The following ERBB3 variants were observed in gnomAD, a reference collection of about 807,000 sequenced individuals.
The protein encoded by ERBB3 is erb-b2 receptor tyrosine kinase 3, also known as receptor tyrosine-protein kinase erbB-3.
A neutral mutation model predicts 156.7 loss-of-function variants in ERBB3; 96 were observed. That is an observed-to-expected ratio of 0.61 (90% CI 0.52 to 0.73). ERBB3 has a LOEUF of 0.73. Ranked by LOEUF, ERBB3 falls within the 30% of genes least tolerant of loss-of-function variation. The pLI, the probability that ERBB3 is intolerant of heterozygous loss-of-function variation, is 0.00. For missense variants in ERBB3, 1,406 were observed against 1,709.4 expected, an observed-to-expected ratio of 0.82 and a Z score of 3.13; for synonymous variants, 567 against 632.0, an observed-to-expected ratio of 0.90 and a Z score of 1.54.
chr12:56,102,140 T>C lies in ERBB3; in HGVS notation c.*85T>C. 3 of 1,198,404 alleles carry C rather than the reference T, an allele frequency of 2.5e-6. No individual in the cohort carries two copies. Among genetic ancestry groups the C allele is most frequent in the South Asian group, 1.2e-5 (1 of 82,458 alleles). The allele number at this position is 1,198,404 out of a possible 1,614,324, so 74.2% of individuals were successfully genotyped here. Reference sequence around the variant, plus strand: ...CCGTCTTCTCCCTATTCCCTCTCTCTCCCAGGTCCCAGCCCCTTTTCCCCA... The same window carrying C: ...CCGTCTTCTCCCTATTCCCTCTCTCCCCCAGGTCCCAGCCCCTTTTCCCCA... On this transcript the variant is annotated 3_prime_UTR_variant, in exon 28 of 28. Transcript: ENST00000267101.
chr12:56,082,852 CA>C (rs1207863080), intron 1 of ERBB3, among the ~76,000 whole-genome samples: 2 of 152,146 alleles, frequency 1.3e-5, no homozygotes, highest in Non-Finnish European at 2.9e-5. Context: ...CCTCTTCTAA[CA>C]ATGAAATTGT....
At position 56,088,004 on chromosome 12, in the gene ERBB3, G is replaced by T; in HGVS notation, c.733-17G>T. On this transcript the variant is annotated splice_polypyrimidine_tract_variant and intron_variant, in intron 6 of 27. Transcript: ENST00000267101. ...TACACACGTAACATAAATCTGATGA[G>T]CCTCCTTTTTTCCCAGGCCTGCCGG... 7.4e-6 allele frequency: 12 copies of T among 1,614,154 alleles called. No individual in the cohort carries two copies. Among genetic ancestry groups the T allele is most frequent in the Non-Finnish European group, 1.0e-5 (12 of 1,180,026 alleles).
chr12:56,096,609 G>A lies in ERBB3; in HGVS notation c.2162G>A (p.Gly721Glu). 6.2e-7 allele frequency: 1 copy of A among 1,614,210 alleles called. No individual in the cohort carries two copies. The highest frequency in any genetic ancestry group is 8.5e-7 in the Non-Finnish European group (1 of 1,180,024). ...KLKVLGSGVF[G>E]TVHKGVWIPE... ...AAAGTGCTTGGCTCGGGTGTCTTTG[G>A]AACTGTGCACAAAGTGAGTGACCCA... Residue 721 changes from glycine to glutamate, a missense_variant, in exon 18 of 28, where the codon GGA becomes GAA. By Grantham distance (98) the Gly-to-Glu change is moderately conservative. Transcript: ENST00000267101.
At chr12:56,092,333 G>A (rs1868739815) in intron 9 of ERBB3, among the ~76,000 whole-genome samples, 1 of 133,788 alleles carries the variant, frequency 7.5e-6, no homozygotes, top group African/African-American at 2.9e-5. Context: ...AGGTTGCAGT[G>A]AGCTGAGATT....
chr12:56,085,546 AC>A, intron 3 of ERBB3: 1 of 757,484 alleles, frequency 1.3e-6, no homozygotes, highest in Non-Finnish European at 1.8e-6. Context: ...GGAGTTTGAG[AC>A]CAGCCTGGCC....
Position 56,093,018 on chromosome 12 carries a change from A to C in ERBB3, c.1216A>C (p.Met406Leu), listed in dbSNP as rs765810588. ...YLNIQSWPPH[M>L]HNFSVFSNLT... ...GAACATCCAGTCCTGGCCGCCCCAC[A>C]TGCACAACTTCAGTGTTTTTTCCAA... Residue 406 changes from methionine (M) to leucine (L), a missense_variant, in exon 11 of 28, where the codon ATG (methionine) becomes CTG (leucine). Coordinates refer to ENST00000267101, the MANE Select transcript of ERBB3 (RefSeq NM_001982.4). The C allele has an allele frequency of 1.2e-6, 2 of 1,614,206 alleles. No homozygotes were observed. Among genetic ancestry groups the C allele is most frequent in the South Asian group, 2.2e-5 (2 of 91,080 alleles).
At chr12:56,093,253 G>T in intron 11 of ERBB3, 92 bp from the exon 12 acceptor site, 1 of 1,275,580 alleles carries the variant, frequency 7.8e-7, no homozygotes, top group Non-Finnish European at 1.1e-6. Flanking sequence ...GATCTGACTA[G>T]CACTGAGCAA....
chr12:56,086,593 G>A lies in ERBB3; in HGVS notation c.484G>A (p.Asp162Asn), dbSNP rs759585997. The change falls in exon 4 of 28, where the codon GAC (aspartate) becomes AAC (asparagine). Residue 162 changes from aspartate to asparagine, a missense_variant. Transcript: ENST00000267101. ...TAAGCTTTGTCACATGGACACAATT[G>A]ACTGGAGGGACATCGTGAGGGACCG... is the stretch of plus-strand genomic sequence containing the variant. ...NDKLCHMDTI[D>N]WRDIVRDRDA... The A allele has an allele frequency of 6.2e-6, 10 of 1,614,062 alleles. No homozygotes were observed. The Middle Eastern group carries it at 8.2e-4, about 133-fold the overall frequency.
chr12:56,093,719 T>A (rs745696175), intron 12 of ERBB3, 45 bp from the exon 13 acceptor site: 1 of 1,611,346 alleles, frequency 6.2e-7, no homozygotes, highest in South Asian at 1.1e-5. Context: ...GAGGGCTTGC[T>A]GGGAGTCCTC....
intron 14 of ERBB3, 98 bp downstream of exon 14, chr12:56,094,287 A>G: frequency 6.8e-7 from 1 of 1,460,154 alleles, no homozygotes. Flanking sequence ...CAGAGAGGCC[A>G]GATAATGCTA....
At position 56,100,022 on chromosome 12, in the gene ERBB3, C is replaced by T; in HGVS notation, c.3122C>T (p.Pro1041Leu). The T allele has an allele frequency of 1.9e-6, 3 of 1,614,190 alleles. No individual in the cohort carries two copies. The highest frequency in any genetic ancestry group is 2.5e-6 in the Non-Finnish European group (3 of 1,179,992). Reference protein sequence around the residue: ...LSLPVGTLNRPRGSQSLLSPS... With the variant: ...LSLPVGTLNRLRGSQSLLSPS... ...CTACCAGTTGGAACACTTAATCGGC[C>T]ACGTGGGGTAAGACAACTTCTAATT... The change falls in exon 25 of 28, where the codon CCA (proline) becomes CTA (leucine). Residue 1041 changes from proline to leucine, a missense_variant. Coordinates refer to ENST00000267101, the MANE Select transcript of ERBB3 (RefSeq NM_001982.4).
At chr12:56,081,805 C>G (rs963691433) in intron 1 of ERBB3, among the ~76,000 whole-genome samples, 2 of 152,020 alleles carry the variant, frequency 1.3e-5, no homozygotes, top group Non-Finnish European at 2.9e-5. Flanking sequence ...GAGGGGAGGC[C>G]TCTGGTTGAG....
rs773923119 is a variant in ERBB3 at position 56,096,483 on chromosome 12, C to T, written c.2056-20C>T. The T allele has an allele frequency of 2.1e-5, 34 of 1,613,470 alleles. No homozygotes were observed. Among genetic ancestry groups the T allele is most frequent in the Non-Finnish European group, 2.8e-5 (33 of 1,179,932 alleles). The stretch of plus-strand genomic sequence containing the variant: ...TGGGAATGGCCTTTCCTGAGTAACT[C>T]CTTCCCATTTGCTCCTCAGAGCATA... On this transcript the variant is annotated intron_variant, in intron 17 of 27. Transcript: ENST00000267101.
At chr12:56,088,282 G>A in intron 7 of ERBB3, 120 bp downstream of exon 7, 1 of 1,143,792 alleles carries the variant, frequency 8.7e-7, no homozygotes, top group East Asian at 2.5e-5. Flanking sequence ...GAATGGTTAT[G>A]ATCATCTAAC....
chr12:56,099,622 C>T (rs760382937), intron 23 of ERBB3, 26 bp from the exon 24 acceptor site: 1 of 1,593,094 alleles, frequency 6.3e-7, no homozygotes, highest in African/African-American at 1.3e-5. Context: ...TCTTTTATGT[C>T]TCTACCTCCT....
Position 56,102,018 on chromosome 12 carries a change from G to A in ERBB3, c.3992G>A (p.Ser1331Asn). 1.2e-6 allele frequency: 2 copies of A among 1,612,520 alleles called. No homozygotes were observed. The highest frequency in any genetic ancestry group is 1.7e-6 in the Non-Finnish European group (2 of 1,179,980). The change falls in exon 28 of 28, where the codon AGC becomes AAC. Residue 1331 changes from serine (S) to asparagine (N), a missense_variant. Physicochemically the swap from Ser to Asn is conservative, Grantham distance 46. Transcript: ENST00000267101. ...TTTGATAACCCTGATTACTGGCATA[G>A]CAGGCTTTTCCCCAAGGCTAATGCC... ...SAFDNPDYWH[S>N]RLFPKANAQR...
Position 56,102,588 on chromosome 12 carries a change from G to C in ERBB3, c.*533G>C, listed in dbSNP as rs1382869490. 1 of 235,778 alleles carries C rather than the reference G, an allele frequency of 4.2e-6. No individual in the cohort carries two copies. Among genetic ancestry groups the C allele is most frequent in the African/African-American group, 2.2e-5 (1 of 45,274 alleles). The allele number at this position is 235,778 out of a possible 1,614,324, so 14.6% of individuals were successfully genotyped here. On this transcript the variant is annotated 3_prime_UTR_variant, in exon 28 of 28. Transcript: ENST00000267101. ...TAATTCAGCACTTAACTATGAGCCA[G>C]GCATCATACTAAACTTCACCTACAT... is the stretch of plus-strand genomic sequence containing the variant.
intron 12 of ERBB3, 51 bp downstream of exon 12, chr12:56,093,601 G>C: frequency 1.9e-6 from 3 of 1,580,838 alleles, no homozygotes; most frequent in Non-Finnish European, 2.6e-6. Flanking sequence ...AGGGAGGAGA[G>C]GGCTGAAAGG....
chr12:56,095,645 G>A lies in ERBB3; in HGVS notation c.1914-20G>A, dbSNP rs1331679049. On this transcript the variant is annotated intron_variant, in intron 16 of 27. Transcript: ENST00000267101. ...AAGATGCAAACCCAGGATAATGTTG[G>A]GTTTCTATATATCCCATAGCAAAAC... The A allele has an allele frequency of 6.2e-7, 1 of 1,613,738 alleles. No homozygotes were observed. The highest frequency in any genetic ancestry group is 8.5e-7 in the Non-Finnish European group (1 of 1,179,806).
Sources: allele counts gnomAD v4.1 joint callset (sites outside exome capture counted in the v4.1 genomes callset), GRCh38; gene constraint gnomAD v4.1.1; transcripts MANE v1.5; gene names NCBI Gene and HGNC (gene_info 2026-07-23, HGNC 2026-07-21).